Variants in AFG1L observed in about 807,000 individuals in gnomAD.
The protein encoded by AFG1L is AFG1 like ATPase, also known as AFG1-like ATPase.
In AFG1L, 53 loss-of-function variants were observed where a neutral mutation model predicts 62.2. That is an observed-to-expected ratio of 0.85 (90% CI 0.68 to 1.07). The LOEUF is 1.07. Ranked by LOEUF, AFG1L falls within the 50% of genes least tolerant of loss-of-function variation. AFG1L has a pLI of 0.00. For synonymous variants in AFG1L, 228 were observed against 210.3 expected (o/e 1.08, Z -0.73); for missense variants, 555 against 590.5 (o/e 0.94, Z 0.62).
chr6:108,452,611 C>G (rs537227379), intron 8 of AFG1L, among the ~76,000 whole-genome samples: 2 of 152,148 alleles, frequency 1.3e-5, no homozygotes, highest in Non-Finnish European at 2.9e-5. Flanking sequence ...ACCCCACTTA[C>G]GAGCCTAAAC....
chr6:108,516,052 A>G (rs1035242046), intron 11 of AFG1L, among the ~76,000 whole-genome samples: 1 of 152,200 alleles, frequency 6.6e-6, no homozygotes, highest in Non-Finnish European at 1.5e-5. Context: ...ATGGATTCAC[A>G]GCCGAATTCT....
chr6:108,477,297 G>C lies in AFG1L; in HGVS notation c.1062+5G>C. The stretch of plus-strand genomic sequence containing the variant: ...TTTGAAGAGCTGTGTGAGAGAGTAA[G>C]TATCCAGGCACGTCCAGACTCACTG... On this transcript the variant is annotated splice_donor_5th_base_variant and intron_variant, in intron 10 of 12. Transcript: ENST00000368977. 1 of 1,581,382 alleles carries C rather than the reference G, an allele frequency of 6.3e-7. No homozygotes were observed. The highest frequency in any genetic ancestry group is 2.3e-5 in the East Asian group (1 of 44,296).
chr6:108,335,307 C>T (rs1031193851), intron 2 of AFG1L, among the ~76,000 whole-genome samples: 14 of 152,258 alleles, frequency 9.2e-5, no homozygotes, highest in African/African-American at 3.1e-4. Context: ...CTGAAGATCC[C>T]AGCCCACTGC....
chr6:108,304,044 C>T (rs1444450733), intron 1 of AFG1L, among the ~76,000 whole-genome samples: 1 of 152,064 alleles, frequency 6.6e-6, no homozygotes, highest in East Asian at 1.9e-4. Flanking sequence ...CACATTGGCA[C>T]ATTTAAGATT....
rs545578198 is a variant in AFG1L at position 108,446,794 on chromosome 6, A to G, written c.808-420A>G. ...GCTGGAATTACAGGCGTGAACCACCATTGTCCACTCCCAGCTCTCTTATGC... is the reference window on the plus strand; with the variant it reads ...GCTGGAATTACAGGCGTGAACCACCGTTGTCCACTCCCAGCTCTCTTATGC... On this transcript the variant is annotated intron_variant, in intron 7 of 12. Transcript: ENST00000368977. Among the ~76,000 whole-genome samples the G allele has an allele frequency of 2.9e-3, 447 of 152,094 alleles. 2 individuals are homozygous for G. Among genetic ancestry groups the G allele is most frequent in the African/African-American group, 0.01 (429 of 41,518 alleles).
At chr6:108,503,859 T>G (rs1286412413) in intron 10 of AFG1L, among the ~76,000 whole-genome samples, 1 of 152,264 alleles carries the variant, frequency 6.6e-6, no homozygotes, top group Non-Finnish European at 1.5e-5. Flanking sequence ...AGCTTCTACA[T>G]CAGCACTTGC....
At chr6:108,503,552 T>C (rs1399205811) in intron 10 of AFG1L, among the ~76,000 whole-genome samples, 2 of 152,208 alleles carry the variant, frequency 1.3e-5, no homozygotes, top group Non-Finnish European at 2.9e-5. Context: ...AAAGATGTGC[T>C]GTCATCCAGG....
intron 10 of AFG1L, among the ~76,000 whole-genome samples, chr6:108,499,814 T>C (rs1774118567): frequency 6.6e-6 from 1 of 151,988 alleles, no homozygotes; most frequent in Non-Finnish European, 1.5e-5. Context: ...AAAAAAATAA[T>C]AGATTCAGGG....
rs574856976 is a variant in AFG1L, at chr6:108,313,974, G to C, written c.140-9851G>C. Reference sequence around the variant, plus strand: ...TCATGCCTGTAATCTGAGCACTTTGGGAGGCCAAGGCGAGTGGATCACCTG... The same window carrying C: ...TCATGCCTGTAATCTGAGCACTTTGCGAGGCCAAGGCGAGTGGATCACCTG... On this transcript the variant is annotated intron_variant, in intron 1 of 12. Coordinates refer to ENST00000368977, the MANE Select transcript of AFG1L (RefSeq NM_145315.5). 2.2e-4 allele frequency among the ~76,000 whole-genome samples: 34 copies of C among 152,254 alleles called. No homozygotes were observed. In the South Asian group the frequency reaches 6.8e-3, roughly 31 times the overall value.
intron 6 of AFG1L, among the ~76,000 whole-genome samples, chr6:108,395,403 C>CTTTTTTTTTTTTTTTTTTT (rs71551344): frequency 1.5e-4 from 19 of 122,934 alleles, no homozygotes; most frequent in South Asian, 2.6e-4. Context: ...CTTTTCTTTT[C>CTTTTTTTTTTTTTTTTTTT]TTTTTTTTTT....
chr6:108,355,799 G>A (rs2135941), intron 4 of AFG1L, 44 bp downstream of exon 4: 1,266,950 of 1,269,560 alleles, frequency 1, 632,181 homozygotes, highest in East Asian at 1. Context: ...GTGGGGAAAC[G>A]CTACAAAATG....
Position 108,447,281 on chromosome 6 carries a change from G to A in AFG1L, c.875G>A (p.Gly292Glu). The A allele has an allele frequency of 6.3e-7, 1 of 1,599,484 alleles. No individual in the cohort carries two copies. Among genetic ancestry groups the A allele is most frequent in the East Asian group, 2.2e-5 (1 of 44,694 alleles). ...DYRKRELPAA[G>E]KLYYLTSEAD... ...CGGAAAAGGGAACTTCCTGCTGCAG[G>A]AAAACTCTACTACCTGTAAGTGTTT... Residue 292 changes from glycine to glutamate, a missense_variant, in exon 8 of 13, where the codon GGA becomes GAA. Gly to Glu is a moderately conservative substitution (Grantham distance 98). Coordinates refer to ENST00000368977, the MANE Select transcript of AFG1L (RefSeq NM_145315.5).
At chr6:108,421,619 T>C (rs1770592352) in intron 7 of AFG1L, among the ~76,000 whole-genome samples, 1 of 152,092 alleles carries the variant, frequency 6.6e-6, no homozygotes, top group Non-Finnish European at 1.5e-5. Context: ...ACAGAGTGAA[T>C]GGACCCTGCA....
At chr6:108,369,923 G>T (rs867673045) in intron 6 of AFG1L, among the ~76,000 whole-genome samples, 12 of 138,602 alleles carry the variant, frequency 8.7e-5, no homozygotes, top group Admixed American at 7.9e-4. Flanking sequence ...GATTGATCTG[G>T]CTGGCTGGCT....
At chr6:108,370,587 C>T (rs1026612298) in intron 6 of AFG1L, among the ~76,000 whole-genome samples, 5 of 151,924 alleles carry the variant, frequency 3.3e-5, no homozygotes, top group Non-Finnish European at 7.4e-5. Flanking sequence ...TTAAGAAACC[C>T]AGGTACAAGG....
chr6:108,420,443 TA>T (rs1352825466), intron 7 of AFG1L, among the ~76,000 whole-genome samples: 5 of 148,750 alleles, frequency 3.4e-5, no homozygotes, highest in Non-Finnish European at 7.4e-5. Context: ...ATATTAAATA[TA>T]TTAAAACATA....
intron 10 of AFG1L, among the ~76,000 whole-genome samples, chr6:108,495,065 A>G (rs886284669): frequency 4.0e-5 from 6 of 151,896 alleles, no homozygotes; most frequent in African/African-American, 1.2e-4. Flanking sequence ...ATGAGCCACC[A>G]CACCCAGCCT....
At chr6:108,484,499 G>C (rs1319031021) in intron 10 of AFG1L, among the ~76,000 whole-genome samples, 1 of 152,104 alleles carries the variant, frequency 6.6e-6, no homozygotes, top group African/African-American at 2.4e-5. Flanking sequence ...GTGTTGCCAG[G>C]CACCTCAAGG....
At chr6:108,297,850 A>C (rs1400369532) in intron 1 of AFG1L, among the ~76,000 whole-genome samples, 1 of 141,894 alleles carries the variant, frequency 7.0e-6, no homozygotes, top group Admixed American at 7.1e-5. Context: ...CAGAGTGAGA[A>C]CCTGTCTCAA....
Sources: gnomAD v4.1 joint callset for allele counts (sites outside exome capture counted in the v4.1 genomes callset) on GRCh38, gnomAD v4.1.1 for gene constraint, MANE v1.5 for transcripts, NCBI Gene and HGNC (gene_info 2026-07-23, HGNC 2026-07-21) for gene names.